The following ITGA8 variants were observed in gnomAD, a reference collection of about 807,000 sequenced individuals.
The protein encoded by ITGA8 is integrin subunit alpha 8.
Under a neutral mutation model 142.3 loss-of-function variants are expected in ITGA8, and 91 were observed. The observed-to-expected ratio is 0.64, with a 90% CI of 0.54 to 0.76. The LOEUF (loss-of-function observed/expected upper bound fraction) is 0.76. Ranked by LOEUF, ITGA8 falls within the 30% of genes least tolerant of loss-of-function variation. ITGA8 has a pLI of 0.00. For missense variants in ITGA8, 1,406 were observed against 1,327.7 expected (o/e 1.06, Z -0.92); for synonymous variants, 505 against 485.2 (o/e 1.04, Z -0.54).
chr10:15,563,266 A>G (rs1834016511), intron 25 of ITGA8, among the ~76,000 whole-genome samples: 1 of 152,230 alleles, frequency 6.6e-6, no homozygotes, highest in Non-Finnish European at 1.5e-5. Context: ...CCAGGCAAGA[A>G]TGGCCTAATA....
At chr10:15,556,437 C>T (rs887511036) in intron 26 of ITGA8, among the ~76,000 whole-genome samples, 8 of 152,178 alleles carry the variant, frequency 5.3e-5, no homozygotes, top group Admixed American at 2.6e-4. Flanking sequence ...AGCTTCTGAA[C>T]TGCAGCTATG....
intron 13 of ITGA8, among the ~76,000 whole-genome samples, chr10:15,633,176 C>A (rs1364521575): frequency 6.6e-6 from 1 of 152,134 alleles, no homozygotes; most frequent in Non-Finnish European, 1.5e-5. Flanking sequence ...CCCCAGTCCA[C>A]CTTTCATTTT....
intron 23 of ITGA8, among the ~76,000 whole-genome samples, chr10:15,582,257 A>G (rs563080131): frequency 6.6e-6 from 1 of 152,298 alleles, no homozygotes; most frequent in East Asian, 1.9e-4. Flanking sequence ...GAAGAAAAGA[A>G]GAAAAAGAAC....
intron 13 of ITGA8, among the ~76,000 whole-genome samples, chr10:15,625,261 C>T (rs573555857): frequency 6.8e-4 from 103 of 152,308 alleles, no homozygotes; most frequent in African/African-American, 2.4e-3. Flanking sequence ...AAAATAACAG[C>T]AGAATATCAA....
chr10:15,624,821 C>G (rs563579935), intron 13 of ITGA8, among the ~76,000 whole-genome samples: 2 of 152,102 alleles, frequency 1.3e-5, no homozygotes, highest in Admixed American at 1.3e-4. Context: ...TAAGAGAATT[C>G]GAGATAATGT....
chr10:15,644,474 AT>A lies in ITGA8; in HGVS notation c.1208-254del, dbSNP rs1564388931. Among the ~76,000 whole-genome samples the A allele has an allele frequency of 5.9e-3, 90 of 15,132 alleles. 1 individual carries two copies. The highest frequency in any genetic ancestry group is 0.017 in the East Asian group (4 of 240). The allele number at this position is 15,132 out of a possible 152,430, so 9.9% of individuals were successfully genotyped here. A position where few individuals can be genotyped will look rare whatever the true frequency, so the allele number is the denominator to read the frequency against. On this transcript the variant is annotated intron_variant, in intron 12 of 29. Coordinates refer to ENST00000378076, the MANE Select transcript of ITGA8 (RefSeq NM_003638.3). ...TATATATATATATATATATATATATATATATATATATATATATAGAATTTTT... is the reference window on the plus strand; with the variant it reads ...TATATATATATATATATATATATATAATATATATATATATATAGAATTTTT...
chr10:15,695,685 T>A (rs999332520), intron 2 of ITGA8, among the ~76,000 whole-genome samples: 2 of 152,218 alleles, frequency 1.3e-5, no homozygotes, highest in Non-Finnish European at 2.9e-5. Context: ...ACTGAAAGTA[T>A]GGAAAATACA....
chr10:15,596,102 G>A (rs968153420), intron 21 of ITGA8, among the ~76,000 whole-genome samples: 2 of 152,108 alleles, frequency 1.3e-5, no homozygotes, highest in Non-Finnish European at 2.9e-5. Context: ...CTAGCAAAAC[G>A]ATTCATTACC....
intron 24 of ITGA8, among the ~76,000 whole-genome samples, chr10:15,572,640 C>T (rs997170027): frequency 1.3e-5 from 2 of 152,176 alleles, no homozygotes; most frequent in African/African-American, 2.4e-5. Flanking sequence ...TGTCTGATAA[C>T]TGTGATGCTG....
intron 28 of ITGA8, among the ~76,000 whole-genome samples, chr10:15,524,830 G>T (rs373535015): frequency 6.6e-6 from 1 of 152,190 alleles, no homozygotes; most frequent in East Asian, 1.9e-4. Context: ...CCAAAACTTT[G>T]TTATTTCTAA....
chr10:15,671,763 A>T (rs1156349729), intron 7 of ITGA8, 116 bp from the exon 8 acceptor site: 1 of 726,758 alleles, frequency 1.4e-6, no homozygotes, highest in Non-Finnish European at 2.3e-6. Flanking sequence ...AACCTCTACA[A>T]ATATTATAAA....
rs1833343225 is a variant in ITGA8, at chr10:15,613,714, A to T, written c.1499T>A (p.Ile500Asn). Residue 500 changes from isoleucine to asparagine, a missense_variant, in exon 15 of 30, where the codon ATC (isoleucine) becomes AAC (asparagine). Ile to Asn is a moderately radical substitution (Grantham distance 149). Coordinates refer to ENST00000378076, the MANE Select transcript of ITGA8 (RefSeq NM_003638.3). ...DAQLLLHPMIINLENKTCQVP... is the reference protein window; with the variant it reads ...DAQLLLHPMINNLENKTCQVP... ...CTGGCAAGTTTTATTTTCAAGATTG[A>T]TAATCATTGGGTGCAGCAGAAGCTG... 6.2e-7 allele frequency: 1 copy of T among 1,614,032 alleles called. No homozygotes were observed. The highest frequency in any genetic ancestry group is 8.5e-7 in the Non-Finnish European group (1 of 1,180,000).
At chr10:15,590,976 T>C (rs903048819) in intron 22 of ITGA8, among the ~76,000 whole-genome samples, 1 of 152,178 alleles carries the variant, frequency 6.6e-6, no homozygotes, top group East Asian at 1.9e-4. Context: ...ATTTGTGACA[T>C]GGGTTGTGGA....
chr10:15,590,962 A>AATAATTTG (rs1296635535), intron 22 of ITGA8, among the ~76,000 whole-genome samples: 3 of 152,282 alleles, frequency 2.0e-5, no homozygotes, highest in Non-Finnish European at 4.4e-5. Flanking sequence ...GGGGTGGGAG[A>AATAATTTG]ATAATTTGTG....
intron 11 of ITGA8, among the ~76,000 whole-genome samples, chr10:15,649,013 G>A (rs1157696094): frequency 6.6e-6 from 1 of 152,150 alleles, no homozygotes; most frequent in East Asian, 1.9e-4. Context: ...GGTGCTTGGA[G>A]GGAACTAAGG....
At chr10:15,534,856 C>T (rs965773525) in intron 27 of ITGA8, among the ~76,000 whole-genome samples, 1 of 152,232 alleles carries the variant, frequency 6.6e-6, no homozygotes. Flanking sequence ...TGCCTGGGCT[C>T]CAACTTTGGC....
chr10:15,601,254 A>C (rs777158539), intron 20 of ITGA8, among the ~76,000 whole-genome samples: 1 of 152,060 alleles, frequency 6.6e-6, no homozygotes, highest in African/African-American at 2.4e-5. Context: ...GGAAAGAAAA[A>C]AGAAAATGGA....
chr10:15,588,709 G>T (rs992867542), intron 22 of ITGA8, among the ~76,000 whole-genome samples: 3 of 152,132 alleles, frequency 2.0e-5, no homozygotes, highest in African/African-American at 7.2e-5. Flanking sequence ...TAATTCTATT[G>T]TATTTTCTTC....
chr10:15,718,918 A>G lies in ITGA8; in HGVS notation c.210-19T>C. Reference sequence around the variant, plus strand: ...ACTCGCTCTGCAAAAGAGTTGGAGAAAGTCACTCTTTGGGCGCCACAAAAC... The same window carrying G: ...ACTCGCTCTGCAAAAGAGTTGGAGAGAGTCACTCTTTGGGCGCCACAAAAC... On this transcript the variant is annotated intron_variant, in intron 1 of 29. Coordinates refer to ENST00000378076, the MANE Select transcript of ITGA8 (RefSeq NM_003638.3). 6.2e-7 allele frequency: 1 copy of G among 1,613,800 alleles called. No homozygotes were observed. The highest frequency in any genetic ancestry group is 8.5e-7 in the Non-Finnish European group (1 of 1,179,992).
Sources: allele counts gnomAD v4.1 joint callset (sites outside exome capture counted in the v4.1 genomes callset), GRCh38; gene constraint gnomAD v4.1.1; transcripts MANE v1.5; gene names NCBI Gene and HGNC (gene_info 2026-07-23, HGNC 2026-07-21).